PCDHA5: variants seen among roughly 807,000 people sequenced by gnomAD.
PCDHA5 encodes protocadherin alpha 5.
PCDHA5 carries 43 observed loss-of-function variants against 61.6 expected under a neutral mutation model. That is an observed-to-expected ratio of 0.70 (90% confidence interval 0.55 to 0.90). PCDHA5 has a LOEUF of 0.90. Among genes scored for constraint, PCDHA5 ranks in the 40% least tolerant of loss-of-function variants. The pLI, the probability that PCDHA5 is intolerant of heterozygous loss-of-function variation, is 0.00. For missense variants in PCDHA5, 1,298 were observed against 1,222.7 expected (o/e 1.06, Z -0.92); for synonymous variants, 627 against 543.9 (o/e 1.15, Z -2.13).
intron 3 of PCDHA5, among the ~76,000 whole-genome samples, chr5:140,992,354 A>C (rs996986066): frequency 1.3e-5 from 2 of 152,184 alleles, no homozygotes; most frequent in Non-Finnish European, 2.9e-5. Context: ...TGGAGAGAGG[A>C]GAAAAATGGT....
chr5:140,836,107 G>T, intron 1 of PCDHA5: 1 of 1,613,744 alleles, frequency 6.2e-7, no homozygotes, highest in Non-Finnish European at 8.5e-7. Context: ...GGCACTGGTG[G>T]CGCAGTGAGA....
intron 1 of PCDHA5, chr5:140,882,237 T>C (rs2059015707): frequency 8.2e-6 from 13 of 1,582,128 alleles, no homozygotes; most frequent in Non-Finnish European, 1.1e-5. Context: ...TTGTATATAT[T>C]GCAGATAGCT....
At chr5:140,843,153 T>A (rs2150353928) in intron 1 of PCDHA5, 80,196 of 1,595,968 alleles carry the variant, frequency 0.05, 9,743 homozygotes, top group Non-Finnish European at 0.06. Flanking sequence ...TCGTATGAGC[T>A]GCAGCCAGCT....
At chr5:140,927,481 G>C in intron 1 of PCDHA5, 2 of 1,614,072 alleles carry the variant, frequency 1.2e-6, no homozygotes, top group Non-Finnish European at 1.7e-6. Context: ...CGAACAGCGC[G>C]CCACCCACCT....
At chr5:140,828,462 G>A (rs2150155526) in intron 1 of PCDHA5, 15 of 1,614,182 alleles carry the variant, frequency 9.3e-6, no homozygotes, top group South Asian at 8.8e-5. Context: ...GTGGAGGTGA[G>A]GGACATTAAC....
At chr5:141,002,232 A>G (rs2098067070) in intron 3 of PCDHA5, among the ~76,000 whole-genome samples, 2 of 152,226 alleles carry the variant, frequency 1.3e-5, no homozygotes, top group African/African-American at 4.8e-5. Flanking sequence ...GTTTTCTGGA[A>G]GCTCTTTATT....
intron 1 of PCDHA5, chr5:140,969,215 C>T: frequency 6.2e-7 from 1 of 1,614,128 alleles, no homozygotes; most frequent in East Asian, 2.2e-5. Flanking sequence ...CCAGACAGGA[C>T]CAGGGCCTTC....
In PCDHA5 at chr5:140,858,604, A is replaced by T. The variant is rs547814145; in HGVS notation, c.2352+34477A>T. 1.3e-3 allele frequency: 1,648 copies of T among 1,276,538 alleles called. 106 individuals carry two copies. The South Asian group carries it at 0.023, about 18-fold the overall frequency. 79.1% of individuals were successfully genotyped at this position (1,276,538 alleles called of 1,614,324 possible). ...TATAATTTATTCCAGGAGTTTTAAA[A>T]TTTTTTTATCCTACCCAGTGTGTCA... On this transcript the variant is annotated intron_variant, in intron 1 of 3. Transcript: ENST00000529859.
chr5:140,842,979 T>C (rs2150349093), intron 1 of PCDHA5: 1 of 1,594,876 alleles, frequency 6.3e-7, no homozygotes, highest in Non-Finnish European at 8.6e-7. Context: ...ACGCTGCAGG[T>C]GTTCGTGCTG....
At chr5:140,985,740 T>TG (rs1554247304) in intron 3 of PCDHA5, among the ~76,000 whole-genome samples, 2 of 53,688 alleles carry the variant, frequency 3.7e-5, no homozygotes, top group Admixed American at 1.9e-4. Flanking sequence ...GATGAATTCC[T>TG]TTTTTTTTTT....
chr5:140,822,957 C>G lies in PCDHA5; in HGVS notation c.1182C>G (p.Phe394Leu). 2 of 1,614,262 alleles carry G rather than the reference C, an allele frequency of 1.2e-6. No individual in the cohort carries two copies. Among genetic ancestry groups the G allele is most frequent in the Non-Finnish European group, 1.7e-6 (2 of 1,180,052 alleles). ...VTCSLMPHVP[F>L]KLVSTFKNYY... ...GCTCCCTAATGCCCCACGTTCCCTT[C>G]AAGCTGGTGTCCACCTTCAAGAATT... The change falls in exon 1 of 4, where the codon TTC (phenylalanine) becomes TTG (leucine). Residue 394 changes from phenylalanine to leucine, a missense_variant. Physicochemically the swap from Phe to Leu is conservative, Grantham distance 22. Transcript: ENST00000529859.
In PCDHA5 at chr5:140,838,709, G is replaced by A. The variant is rs2150291711; in HGVS notation, c.2352+14582G>A. 7.4e-3 allele frequency among the ~76,000 whole-genome samples: 1,129 copies of A among 152,134 alleles called. 12 individuals carry two copies. The highest frequency in any genetic ancestry group is 0.014 in the Admixed American group (208 of 15,280). On this transcript the variant is annotated intron_variant, in intron 1 of 3. Transcript: ENST00000529859. ...CCAACATTTCGGGAGGCCGAGGCAG[G>A]AGGATTGCTTCAGTCTAGTAGTTTG...
intron 1 of PCDHA5, among the ~76,000 whole-genome samples, chr5:140,880,283 A>G (rs1308508886): frequency 3.3e-5 from 5 of 152,250 alleles, no homozygotes; most frequent in African/African-American, 9.6e-5. Flanking sequence ...AAGTTTGACT[A>G]TCTTCATAGT....
In PCDHA5 at chr5:140,882,697, A is replaced by G. The variant is rs145968658; in HGVS notation, c.2352+58570A>G. 60 of 1,614,238 alleles carry G rather than the reference A, an allele frequency of 3.7e-5. No homozygotes were observed. The African/African-American group carries it at 6.5e-4, about 18-fold the overall frequency. On this transcript the variant is annotated intron_variant, in intron 1 of 3. Transcript: ENST00000529859. ...AAAGCAAGAAACGAATAATCATTGC[A>G]GAATCTAGACCTCCGGAAACTCGAT...
Position 141,009,957 on chromosome 5 carries a change from G to T in PCDHA5, c.*20G>T. ...CAGTGAGGTCCTCAAATGGAAACAA[G>T]CCACTTAGCCAGTTTTTGTAATAAT... On this transcript the variant is annotated 3_prime_UTR_variant, in exon 4 of 4. Coordinates refer to ENST00000529859, the MANE Select transcript of PCDHA5 (RefSeq NM_018908.3). 1 of 1,589,160 alleles carries T rather than the reference G, an allele frequency of 6.3e-7. No homozygotes were observed. Among genetic ancestry groups the T allele is most frequent in the Non-Finnish European group, 8.5e-7 (1 of 1,171,102 alleles).
At chr5:140,936,577 A>G (rs776415020) in intron 1 of PCDHA5, among the ~76,000 whole-genome samples, 1 of 152,186 alleles carries the variant, frequency 6.6e-6, no homozygotes, top group Non-Finnish European at 1.5e-5. Flanking sequence ...TCCACTTGTA[A>G]ATCCAGTTAG....
chr5:140,882,917 G>A, intron 1 of PCDHA5: 1 of 1,614,218 alleles, frequency 6.2e-7, no homozygotes, highest in Non-Finnish European at 8.5e-7. Context: ...AGCCAGTGAT[G>A]GAGGTAAACC....
intron 1 of PCDHA5, among the ~76,000 whole-genome samples, chr5:140,950,992 G>A (rs2094539287): frequency 6.6e-6 from 1 of 151,384 alleles, no homozygotes; most frequent in Admixed American, 6.6e-5. Flanking sequence ...GCCTCTTTTA[G>A]CTCCATTTTT....
At chr5:140,928,307 C>T in intron 1 of PCDHA5, 1 of 1,614,150 alleles carries the variant, frequency 6.2e-7, no homozygotes, top group Non-Finnish European at 8.5e-7. Context: ...GCCCAGGACC[C>T]CGACCTGGGG....
Sources: allele counts gnomAD v4.1 joint callset (sites outside exome capture counted in the v4.1 genomes callset), GRCh38; gene constraint gnomAD v4.1.1; transcripts MANE v1.5; gene names NCBI Gene and HGNC (gene_info 2026-07-23, HGNC 2026-07-21).